Variants in MEF2C observed in about 807,000 individuals in gnomAD.
MEF2C encodes the protein myocyte-specific enhancer factor 2C.
MEF2C carries 6 observed loss-of-function variants against 50.5 expected under a neutral mutation model. The ratio of observed to expected loss-of-function variants is 0.12; its 90% confidence interval spans 0.07 to 0.23. The LOEUF is 0.23. Ranked by LOEUF, MEF2C falls within the 10% of genes least tolerant of loss-of-function variation. The probability of loss-of-function intolerance (pLI) is 1.00; values close to 1 mark genes in which losing one functional copy is unlikely to be tolerated. For synonymous variants in MEF2C, 183 were observed against 228.0 expected (o/e 0.80, Z 1.78); for missense variants, 276 against 605.0 (o/e 0.46, Z 5.70).
chr5:88,880,568 T>A, intron 1 of MEF2C, among the ~76,000 whole-genome samples: 1 of 152,172 alleles, frequency 6.6e-6, no homozygotes, highest in East Asian at 1.9e-4. Flanking sequence ...AGTTATTCAG[T>A]GCTGTTCTTT....
intron 3 of MEF2C, among the ~76,000 whole-genome samples, chr5:88,781,082 T>C (rs1787769198): frequency 6.6e-6 from 1 of 152,196 alleles, no homozygotes; most frequent in South Asian, 2.1e-4. Flanking sequence ...CTAGTTTTTT[T>C]CCTTTTTCTA....
intron 1 of MEF2C, among the ~76,000 whole-genome samples, chr5:88,890,685 C>T (rs1410603262): frequency 6.6e-6 from 1 of 152,256 alleles, no homozygotes; most frequent in Non-Finnish European, 1.5e-5. Flanking sequence ...AAAGAAATTA[C>T]TTTATGACTG....
At chr5:88,728,777 G>T in intron 9 of MEF2C, 149 bp from the exon 10 acceptor site, 1 of 557,146 alleles carries the variant, frequency 1.8e-6, no homozygotes, top group Non-Finnish European at 2.8e-6. Context: ...GGGAGATAAA[G>T]CATCAGCGAT....
At chr5:88,750,623 C>A (rs1413055714) in intron 5 of MEF2C, among the ~76,000 whole-genome samples, 1 of 152,088 alleles carries the variant, frequency 6.6e-6, no homozygotes. Context: ...GAACTGCATT[C>A]TAGTATGATC....
intron 1 of MEF2C, among the ~76,000 whole-genome samples, chr5:88,902,173 C>G (rs1835729624): frequency 1.4e-5 from 2 of 146,260 alleles, no homozygotes; most frequent in Non-Finnish European, 3.1e-5. Flanking sequence ...GTAAAATTTT[C>G]AAGTGCATGA....
Position 88,717,446 on chromosome 5 carries a change from A to C in MEF2C, c.*5158T>G, listed in dbSNP as rs1266103219. 2.0e-5 allele frequency: 3 copies of C among 152,206 alleles called. No individual in the cohort carries two copies. 9.4% of individuals were successfully genotyped at this position (152,206 alleles called of 1,614,324 possible). A position where few individuals can be genotyped will look rare whatever the true frequency, so the allele number is the denominator to read the frequency against. On this transcript the variant is annotated 3_prime_UTR_variant, in exon 11 of 11. Transcript: ENST00000504921. ...ATTAGTTTATAAGTTTCCTAAGAGAAAGGGCTACAACTTCATTCATCCTGG... is the reference window on the plus strand; with the variant it reads ...ATTAGTTTATAAGTTTCCTAAGAGACAGGGCTACAACTTCATTCATCCTGG...
intron 3 of MEF2C, among the ~76,000 whole-genome samples, chr5:88,776,923 G>A (rs1247104531): frequency 3.3e-5 from 5 of 152,168 alleles, no homozygotes; most frequent in Non-Finnish European, 4.4e-5. Flanking sequence ...CCAGCCCCAC[G>A]GCGCACTCTG....
At chr5:88,881,015 TAAG>T (rs1429869731) in intron 1 of MEF2C, 2 of 152,146 alleles carry the variant, frequency 1.3e-5, no homozygotes, top group Non-Finnish European at 2.9e-5. Flanking sequence ...CTGCCTTTCC[TAAG>T]AAGTCTGAAA....
chr5:88,735,798 A>G, intron 6 of MEF2C: 1 of 985,438 alleles, frequency 1.0e-6, no homozygotes, highest in Non-Finnish European at 1.2e-6. Context: ...TTCCTGGCTT[A>G]AGATATTATG....
intron 1 of MEF2C, chr5:88,903,844 G>C (rs1221805633): frequency 6.6e-6 from 1 of 151,826 alleles, no homozygotes; most frequent in Admixed American, 6.6e-5. Context: ...AGGTACCTCA[G>C]TGGTGCCTCT....
intron 1 of MEF2C, among the ~76,000 whole-genome samples, chr5:88,853,554 T>C (rs1303722087): frequency 6.6e-6 from 1 of 152,224 alleles, no homozygotes; most frequent in East Asian, 1.9e-4. Context: ...TAGGCAACAA[T>C]ATTATTAAAA....
At position 88,810,861 on chromosome 5, in the gene MEF2C, A is replaced by G; in HGVS notation, c.55-6060T>C. On this transcript the variant is annotated intron_variant, in intron 2 of 10. Coordinates refer to ENST00000504921, the MANE Select transcript of MEF2C (RefSeq NM_002397.5). ...GGTGCTTGAGCAAACCCAGTAGGTG[A>G]TAAGAGTCTATATCCATAGCGCCTT... Among the ~76,000 whole-genome samples the G allele has an allele frequency of 2.0e-5, 3 of 152,256 alleles. 1 individual carries two copies. In the South Asian group the frequency reaches 6.2e-4, roughly 32 times the overall value.
chr5:88,883,190 G>C (rs1289021909), upstream of MEF2C: 1 of 151,106 alleles, frequency 6.6e-6, no homozygotes, highest in Non-Finnish European at 1.5e-5. Flanking sequence ...ACTGCGAGCA[G>C]AGCGAGCAGA....
At chr5:88,898,379 C>G (rs958628963) in intron 1 of MEF2C, among the ~76,000 whole-genome samples, 4 of 152,052 alleles carry the variant, frequency 2.6e-5, no homozygotes, top group Non-Finnish European at 5.9e-5. Context: ...GTCCTGATAC[C>G]TCTGCAAAAC....
chr5:88,847,771 A>G (rs973889906), intron 1 of MEF2C, among the ~76,000 whole-genome samples: 1 of 152,140 alleles, frequency 6.6e-6, no homozygotes, highest in African/African-American at 2.4e-5. Flanking sequence ...TAACATGTGA[A>G]TCTGGTACAT....
At chr5:88,853,132 G>A (rs1203487546) in intron 1 of MEF2C, among the ~76,000 whole-genome samples, 8 of 152,170 alleles carry the variant, frequency 5.3e-5, no homozygotes, top group Non-Finnish European at 1.0e-4. Flanking sequence ...GCTGAGGTGC[G>A]AGGATCACTT....
At chr5:88,736,686 T>C (rs1198207726) in intron 6 of MEF2C, 4 of 985,254 alleles carry the variant, frequency 4.1e-6, no homozygotes, top group Non-Finnish European at 4.8e-6. Flanking sequence ...AGGAAGTCTT[T>C]CTGAACTGCT....
chr5:88,823,370 A>G (rs1412790061), intron 2 of MEF2C, among the ~76,000 whole-genome samples: 1 of 151,968 alleles, frequency 6.6e-6, no homozygotes, highest in Non-Finnish European at 1.5e-5. Context: ...AATGACCACA[A>G]AAGGTCTAGT....
At chr5:88,723,215 T>C (rs898120368) in intron 10 of MEF2C, among the ~76,000 whole-genome samples, 1 of 152,154 alleles carries the variant, frequency 6.6e-6, no homozygotes, top group Non-Finnish European at 1.5e-5. Context: ...TTCAGAAAGG[T>C]TTAAGACACA....
Sources: gnomAD v4.1 joint callset for allele counts (sites outside exome capture counted in the v4.1 genomes callset) on GRCh38, gnomAD v4.1.1 for gene constraint, MANE v1.5 for transcripts, NCBI Gene and HGNC (gene_info 2026-07-23, HGNC 2026-07-21) for gene names.